Variants in MCTP1 observed in about 807,000 individuals in gnomAD.
The protein encoded by MCTP1 is multiple C2 and transmembrane domain containing 1, also known as multiple C2 and transmembrane domain-containing protein 1.
MCTP1 carries 69 observed loss-of-function variants against 120.6 expected under a neutral mutation model. The observed-to-expected ratio is 0.57, with a 90% CI of 0.47 to 0.70. The LOEUF (loss-of-function observed/expected upper bound fraction) is 0.70. Ranked by LOEUF, MCTP1 falls within the 30% of genes least tolerant of loss-of-function variation. The pLI, the probability that MCTP1 is intolerant of heterozygous loss-of-function variation, is 0.00. For missense variants in MCTP1, 1,203 were observed against 1,248.8 expected (o/e 0.96, Z 0.55); for synonymous variants, 529 against 493.1 (o/e 1.07, Z -0.96).
intron 2 of MCTP1, among the ~76,000 whole-genome samples, chr5:94,981,771 C>A (rs1036498593): frequency 1.3e-5 from 2 of 152,094 alleles, no homozygotes; most frequent in Non-Finnish European, 2.9e-5. Context: ...GCAGCAAGTG[C>A]AGAGGCCCTG....
chr5:95,108,365 C>T (rs1293074568), intron 1 of MCTP1, among the ~76,000 whole-genome samples: 1 of 152,178 alleles, frequency 6.6e-6, no homozygotes, highest in African/African-American at 2.4e-5. Flanking sequence ...GGGTCCTAGA[C>T]CTTGACACAT....
At chr5:94,799,892 G>A (rs1780838035) in intron 17 of MCTP1, among the ~76,000 whole-genome samples, 1 of 152,050 alleles carries the variant, frequency 6.6e-6, no homozygotes, top group Admixed American at 6.6e-5. Context: ...CACAAAGTTG[G>A]ATATAAAGTA....
At chr5:95,199,299 TAACAGGGGAGTATAGATTAAAC>T (rs1216579739) in intron 1 of MCTP1, among the ~76,000 whole-genome samples, 1 of 152,132 alleles carries the variant, frequency 6.6e-6, no homozygotes, top group Non-Finnish European at 1.5e-5. Flanking sequence ...AAAAGTTAAT[TAACAGGGGAGTATAGATTAAAC>T]AACATCCCCA....
At chr5:94,789,566 A>T (rs1372940707) in intron 18 of MCTP1, 1 of 152,244 alleles carries the variant, frequency 6.6e-6, no homozygotes, top group Non-Finnish European at 1.5e-5. Flanking sequence ...AGTGAAAGCA[A>T]CAGACTGAGG....
intron 2 of MCTP1, among the ~76,000 whole-genome samples, chr5:94,992,508 A>G (rs1273232744): frequency 6.6e-6 from 1 of 152,172 alleles, no homozygotes; most frequent in Non-Finnish European, 1.5e-5. Context: ...GTAGCCAGCC[A>G]TATCCTGTCT....
intron 1 of MCTP1, among the ~76,000 whole-genome samples, chr5:95,191,548 A>C (rs1033043751): frequency 2.4e-4 from 36 of 152,074 alleles, no homozygotes; most frequent in African/African-American, 7.5e-4. Context: ...CTATCACTAT[A>C]ACTTCTTACC....
rs574762826 is a variant in MCTP1 at position 95,130,452 on chromosome 5, T to A, written c.721-112968A>T. ...GCTTGTATGTATGCTAGGGTAAAGT[T>A]TTAAATTATTTTGATAGCTAACAAC... On this transcript the variant is annotated intron_variant, in intron 1 of 22. Transcript: ENST00000515393. Among the ~76,000 whole-genome samples the A allele has an allele frequency of 1.1e-4, 17 of 152,246 alleles. No individual in the cohort carries two copies. The East Asian group carries it at 3.3e-3, about 29-fold the overall frequency.
rs1000571216 is a variant in MCTP1 at position 95,081,275 on chromosome 5, C to T, written c.721-63791G>A. 5.2e-6 allele frequency: 3 copies of T among 578,576 alleles called. No homozygotes were observed. In the African/African-American group the frequency reaches 5.6e-5, roughly 11 times the overall value. The allele number at this position is 578,576 out of a possible 1,614,324, so 35.8% of individuals were successfully genotyped here. On this transcript the variant is annotated intron_variant, in intron 1 of 22. Coordinates refer to ENST00000515393, the MANE Select transcript of MCTP1 (RefSeq NM_024717.7). ...CTATGTATCTCACAAGTAGGTTATA[C>T]TGTAAATTAAAAATTATCTGTATTA...
chr5:94,827,783 CG>C (rs991476961), intron 17 of MCTP1, among the ~76,000 whole-genome samples: 3 of 151,368 alleles, frequency 2.0e-5, no homozygotes, highest in African/African-American at 7.3e-5. Context: ...GTATGCCTCA[CG>C]AAGTTCTTGT....
Position 95,100,572 on chromosome 5 carries a change from G to C in MCTP1, c.721-83088C>G, listed in dbSNP as rs563096431. 4.6e-5 allele frequency among the ~76,000 whole-genome samples: 7 copies of C among 152,268 alleles called. 1 individual carries two copies. The South Asian group carries it at 1.2e-3, about 27-fold the overall frequency. On this transcript the variant is annotated intron_variant, in intron 1 of 22. Coordinates refer to ENST00000515393, the MANE Select transcript of MCTP1 (RefSeq NM_024717.7). Reference sequence around the variant, plus strand: ...TAAGTCATCTATATGATAAGAATTTGTATAAAGAATACTGTATATCTTTTT... The same window carrying C: ...TAAGTCATCTATATGATAAGAATTTCTATAAAGAATACTGTATATCTTTTT...
chr5:95,072,075 A>T (rs1460135801), intron 1 of MCTP1, among the ~76,000 whole-genome samples: 1 of 62,134 alleles, frequency 1.6e-5, no homozygotes, highest in Non-Finnish European at 4.2e-5. Flanking sequence ...AACAATGCCA[A>T]TTTTCCTGTG....
At chr5:95,018,957 T>C (rs1439135765) in intron 1 of MCTP1, among the ~76,000 whole-genome samples, 2 of 152,066 alleles carry the variant, frequency 1.3e-5, no homozygotes, top group African/African-American at 4.8e-5. Context: ...CTTTTAAAAG[T>C]CTTATGCAAA....
chr5:95,241,075 T>C (rs1166004471), intron 1 of MCTP1, among the ~76,000 whole-genome samples: 1 of 152,182 alleles, frequency 6.6e-6, no homozygotes, highest in Non-Finnish European at 1.5e-5. Flanking sequence ...AATTCATTTA[T>C]TTTTATGAAA....
At chr5:95,078,418 A>G (rs902974661) in intron 1 of MCTP1, among the ~76,000 whole-genome samples, 4 of 152,216 alleles carry the variant, frequency 2.6e-5, no homozygotes, top group African/African-American at 4.8e-5. Context: ...ATCTTGTTGT[A>G]TCACCAAAGA....
intron 17 of MCTP1, among the ~76,000 whole-genome samples, chr5:94,824,893 T>G (rs1311484415): frequency 6.6e-6 from 1 of 152,224 alleles, no homozygotes; most frequent in East Asian, 1.9e-4. Flanking sequence ...ATTCCCTTTA[T>G]CATTTTTTAT....
intron 1 of MCTP1, among the ~76,000 whole-genome samples, chr5:95,071,782 C>T (rs758702575): frequency 5.3e-5 from 8 of 152,114 alleles, no homozygotes; most frequent in Non-Finnish European, 1.0e-4. Flanking sequence ...ATCTAAGAAC[C>T]AGAATGGCAC....
intron 1 of MCTP1, among the ~76,000 whole-genome samples, chr5:95,215,229 C>T (rs1419754971): frequency 6.6e-6 from 1 of 152,164 alleles, no homozygotes; most frequent in African/African-American, 2.4e-5. Flanking sequence ...TCATCTCCTC[C>T]CTGAGACCCT....
intron 1 of MCTP1, among the ~76,000 whole-genome samples, chr5:95,021,669 T>C (rs1838218588): frequency 6.6e-6 from 1 of 152,094 alleles, no homozygotes; most frequent in African/African-American, 2.4e-5. Context: ...TTATATTCTG[T>C]CACTTTTCAA....
At chr5:95,251,432 T>C (rs1410396466) in intron 1 of MCTP1, among the ~76,000 whole-genome samples, 1 of 152,080 alleles carries the variant, frequency 6.6e-6, no homozygotes, top group Non-Finnish European at 1.5e-5. Flanking sequence ...ATGGTACAGA[T>C]TTGGATTTCA....
Sources: allele counts gnomAD v4.1 joint callset (sites outside exome capture counted in the v4.1 genomes callset), GRCh38; gene constraint gnomAD v4.1.1; transcripts MANE v1.5; gene names NCBI Gene and HGNC (gene_info 2026-07-23, HGNC 2026-07-21).